Variants in NDE1 observed in about 807,000 individuals in gnomAD.
NDE1 encodes nuclear distribution protein nudE homolog 1.
A neutral mutation model predicts 43.4 loss-of-function variants in NDE1; 28 were observed. The observed-to-expected ratio is 0.65, with a 90% CI of 0.48 to 0.89. NDE1 has a LOEUF of 0.89. Among genes scored for constraint, NDE1 ranks in the 40% least tolerant of loss-of-function variants. The probability of loss-of-function intolerance (pLI) is 0.00; values close to 1 mark genes in which losing one functional copy is unlikely to be tolerated. For synonymous variants in NDE1, 184 were observed against 172.0 expected (o/e 1.07, Z -0.55); for missense variants, 441 against 434.1 (o/e 1.02, Z -0.14).
chr16:15,669,568 TC>T lies in NDE1; in HGVS notation c.237+2131del, dbSNP rs376603690. 4.5e-3 allele frequency among the ~76,000 whole-genome samples: 687 copies of T among 151,344 alleles called. 2 individuals carry two copies. The highest frequency in any genetic ancestry group is 0.014 in the African/African-American group (587 of 41,112). On this transcript the variant is annotated intron_variant, in intron 3 of 8. Transcript: ENST00000396354. ...GTAGAGATGGGGTTTCACCATGTTT[TC>T]CAGGATGGTCTTGATCTCTTGACAG...
At position 15,703,671 on chromosome 16, in the gene NDE1, C is replaced by T. The variant is rs2039302745; in HGVS notation, c.947+6811C>T. The T allele has an allele frequency of 2.0e-5, 9 of 442,704 alleles. 1 individual carries two copies. Among genetic ancestry groups the T allele is most frequent in the South Asian group, 2.0e-4 (9 of 45,972 alleles). 27.4% of individuals were successfully genotyped at this position (442,704 alleles called of 1,614,324 possible). On this transcript the variant is annotated intron_variant, in intron 8 of 8. Transcript: ENST00000396354. ...TGATGCAATTATAGCTCATTGCAGC[C>T]TCGAAGTCCTGGGCTGGAGCGTTCT...
intron 8 of NDE1, chr16:15,717,414 G>A: frequency 6.5e-7 from 1 of 1,532,528 alleles, no homozygotes; most frequent in Non-Finnish European, 8.9e-7. Flanking sequence ...CTGAGACCAT[G>A]CCTCTTCCTG....
chr16:15,690,797 A>G (rs1387702469), intron 5 of NDE1, among the ~76,000 whole-genome samples: 1 of 151,918 alleles, frequency 6.6e-6, no homozygotes, highest in Non-Finnish European at 1.5e-5. Context: ...AACCCTAAGC[A>G]AGGACTTAAA....
upstream of NDE1, among the ~76,000 whole-genome samples, chr16:15,648,034 C>A (rs377505976): frequency 0.1 from 12,494 of 119,640 alleles, 546 homozygotes; most frequent in African/African-American, 0.22. Context: ...CTCTGTCTCA[C>A]AAAAAAAAAA....
intron 6 of NDE1, among the ~76,000 whole-genome samples, chr16:15,692,997 TTCTC>T (rs1265673604): frequency 1.3e-5 from 2 of 150,324 alleles, no homozygotes; most frequent in South Asian, 2.1e-4. Flanking sequence ...TGAAATTTCT[TTCTC>T]TCTTTTTTTT....
At chr16:15,652,098 C>G (rs2036533689) in intron 1 of NDE1, 1 of 152,038 alleles carries the variant, frequency 6.6e-6, no homozygotes, top group Non-Finnish European at 1.5e-5. Context: ...TGGGGTTTCA[C>G]CATATTGGCC....
chr16:15,684,773 C>T (rs948495440), intron 4 of NDE1, among the ~76,000 whole-genome samples: 3 of 152,180 alleles, frequency 2.0e-5, no homozygotes, highest in African/African-American at 4.8e-5. Context: ...AACCTGCCAT[C>T]TTTTTACCAA....
At chr16:15,688,689 CT>C (rs1194565114) in intron 5 of NDE1, among the ~76,000 whole-genome samples, 361 of 59,946 alleles carry the variant, frequency 6.0e-3, no homozygotes, top group African/African-American at 0.011. Flanking sequence ...TTGTTTTTAC[CT>C]TTTTTTTTTT....
chr16:15,643,726 C>T (rs2036214007), exon 1 of NDE1: 2 of 216,040 alleles, frequency 9.3e-6, no homozygotes, highest in African/African-American at 2.4e-5. Flanking sequence ...CGAGGTCCCC[C>T]GGAGTTCTCG....
At position 15,696,769 on chromosome 16, in the gene NDE1, A is replaced by G; in HGVS notation, c.856A>G (p.Thr286Ala). The G allele has an allele frequency of 6.2e-7, 1 of 1,614,186 alleles. No individual in the cohort carries two copies. Among genetic ancestry groups the G allele is most frequent in the Non-Finnish European group, 8.5e-7 (1 of 1,180,024 alleles). ...CGTGTACGATCAGTCCCCAAACCGA[A>G]CAGGTGGCCCAGCCTCTGGGCGGAG... ...NLVYDQSPNR[T>A]GGPASGRSSK... Residue 286 changes from threonine (T) to alanine (A), a missense_variant, in exon 8 of 9, where the codon ACA (threonine) becomes GCA (alanine). Thr to Ala is a moderately conservative substitution (Grantham distance 58). Transcript: ENST00000396354.
In NDE1 at chr16:15,691,229, C is replaced by A. The variant is rs1184939929; in HGVS notation, c.609C>A (p.Asp203Glu). 6.2e-7 allele frequency: 1 copy of A among 1,614,184 alleles called. No individual in the cohort carries two copies. The highest frequency in any genetic ancestry group is 1.7e-5 in the Admixed American group (1 of 60,018). ...MPSSVEAERT[D>E]TAVQATGSVP... ...GCTCAGTGGAAGCTGAGAGGACAGA[C>A]ACAGCTGTGCAGGCCACGGGCTCCG... Residue 203 changes from aspartate (D) to glutamate (E), a missense_variant, in exon 6 of 9, where the codon GAC becomes GAA. Coordinates refer to ENST00000396354, the MANE Select transcript of NDE1 (RefSeq NM_017668.3).
chr16:15,707,570 C>G (rs749889807), intron 8 of NDE1, among the ~76,000 whole-genome samples: 11 of 152,180 alleles, frequency 7.2e-5, no homozygotes, highest in Non-Finnish European at 1.5e-5. Context: ...CCTCACCCTG[C>G]GCTTTAAGTA....
intron 4 of NDE1, chr16:15,686,441 G>A (rs2038443143): frequency 3.8e-5 from 37 of 985,316 alleles, no homozygotes; most frequent in Non-Finnish European, 4.5e-5. Context: ...AGAAGGGGTT[G>A]TGAGCAGGGC....
chr16:15,675,511 A>G (rs2151476765), intron 3 of NDE1, among the ~76,000 whole-genome samples: 1 of 147,858 alleles, frequency 6.8e-6, no homozygotes, highest in African/African-American at 2.5e-5. Flanking sequence ...ATCATAGCTC[A>G]CTGCAGCCTC....
chr16:15,672,694 C>G (rs1276283289), intron 3 of NDE1: 1 of 152,210 alleles, frequency 6.6e-6, no homozygotes, highest in African/African-American at 2.4e-5. Context: ...CCACAGGTTC[C>G]GAGGAGATCT....
intron 4 of NDE1, chr16:15,686,905 C>A: frequency 1.1e-6 from 1 of 886,780 alleles, no homozygotes; most frequent in Non-Finnish European, 1.4e-6. Flanking sequence ...CCAAGCTTGC[C>A]AGGCTGGTCT....
rs754330489 is a variant in NDE1, at chr16:15,725,027, C to G, written c.*776C>G. 6.3e-7 allele frequency: 1 copy of G among 1,583,332 alleles called. No homozygotes were observed. The highest frequency in any genetic ancestry group is 1.1e-5 in the South Asian group (1 of 89,986). On this transcript the variant is annotated 3_prime_UTR_variant, in exon 9 of 9. Coordinates refer to ENST00000396354, the MANE Select transcript of NDE1 (RefSeq NM_017668.3). ...CCAAGAGACTGGTTAGTCAAAGCCT[C>G]TAGAAGGGGATCCTCGTTGAAAGGA... is the stretch of plus-strand genomic sequence containing the variant.
chr16:15,716,003 T>C (rs2040111215), intron 8 of NDE1, among the ~76,000 whole-genome samples: 1 of 152,042 alleles, frequency 6.6e-6, no homozygotes. Flanking sequence ...GGTGTGCACC[T>C]GTAGTCCCAG....
intron 1 of NDE1, among the ~76,000 whole-genome samples, chr16:15,656,135 T>G (rs939824553): frequency 3.3e-5 from 5 of 151,748 alleles, no homozygotes; most frequent in Admixed American, 6.6e-5. Context: ...ATAATAATAA[T>G]AAAGAAAAAG....
Sources: allele counts gnomAD v4.1 joint callset (sites outside exome capture counted in the v4.1 genomes callset), GRCh38; gene constraint gnomAD v4.1.1; transcripts MANE v1.5; gene names NCBI Gene and HGNC (gene_info 2026-07-23, HGNC 2026-07-21).